GRHL2: variants seen among roughly 807,000 people sequenced by gnomAD.
GRHL2 encodes the protein grainyhead-like protein 2 homolog.
Under a neutral mutation model 83.8 loss-of-function variants are expected in GRHL2, and 21 were observed. The ratio of observed to expected loss-of-function variants is 0.25; its 90% CI spans 0.18 to 0.36. The LOEUF (loss-of-function observed/expected upper bound fraction) is 0.36. GRHL2 is among the 10% of genes least tolerant of loss of function. The probability of loss-of-function intolerance (pLI) is 1.00; values close to 1 mark genes in which losing one functional copy is unlikely to be tolerated. For missense variants in GRHL2, 623 were observed against 781.8 expected (o/e 0.80, Z 2.42); for synonymous variants, 280 against 278.9 (o/e 1.00, Z -0.04).
chr8:101,605,325 G>A (rs575679536), intron 8 of GRHL2, among the ~76,000 whole-genome samples: 2 of 152,258 alleles, frequency 1.3e-5, no homozygotes, highest in South Asian at 2.1e-4. Flanking sequence ...GCAAGATTGG[G>A]CAAATGGAAA....
Position 101,615,995 on chromosome 8 carries a change from C to T in GRHL2, c.1099-3544C>T, listed in dbSNP as rs117558326. ...CACCATGGAAAATCAGTAGGAGAAT[C>T]GGACATAGCATTTTTTCTTTCTTTC... is the stretch of plus-strand genomic sequence containing the variant. On this transcript the variant is annotated intron_variant, in intron 8 of 15. Coordinates refer to ENST00000646743, the MANE Select transcript of GRHL2 (RefSeq NM_024915.4). Among the ~76,000 whole-genome samples, 352 of 152,130 alleles carry T rather than the reference C, an allele frequency of 2.3e-3. 6 individuals are homozygous for T. The East Asian group carries it at 0.057, about 25-fold the overall frequency.
intron 4 of GRHL2, among the ~76,000 whole-genome samples, chr8:101,565,828 T>A (rs2130201238): frequency 6.6e-6 from 1 of 152,342 alleles, no homozygotes; most frequent in Admixed American, 6.5e-5. Flanking sequence ...CTCTACTGTG[T>A]ATTTCATAAC....
intron 1 of GRHL2, among the ~76,000 whole-genome samples, chr8:101,506,082 G>C (rs1810335862): frequency 6.6e-6 from 1 of 152,192 alleles, no homozygotes; most frequent in Non-Finnish European, 1.5e-5. Flanking sequence ...ATGATACAGA[G>C]ATTTTTATTG....
intron 8 of GRHL2, among the ~76,000 whole-genome samples, chr8:101,603,342 C>T (rs1472697567): frequency 6.8e-6 from 1 of 147,242 alleles, no homozygotes; most frequent in African/African-American, 2.7e-5. Context: ...ATTTAAAAAA[C>T]AAAAAACAAA....
At chr8:101,675,556 AAG>A in the GRHL2 span, among the ~76,000 whole-genome samples, 3 of 151,986 alleles carry the variant, frequency 2.0e-5, no homozygotes, top group Non-Finnish European at 4.4e-5. Context: ...AAGGAAATAA[AAG>A]AGGATACAAA....
intron 1 of GRHL2, among the ~76,000 whole-genome samples, chr8:101,522,781 A>G (rs192729322): frequency 6.6e-6 from 1 of 151,212 alleles, no homozygotes; most frequent in Non-Finnish European, 1.5e-5. Context: ...ATATATAAAC[A>G]TCTATATCTG....
intron 2 of GRHL2, among the ~76,000 whole-genome samples, chr8:101,545,886 T>C (rs1209553039): frequency 1.9e-4 from 24 of 127,874 alleles, no homozygotes; most frequent in African/African-American, 7.3e-4. Context: ...TTTTTTTTTT[T>C]TTTTTTTTTT....
At chr8:101,657,306 T>G (rs941472010) in intron 14 of GRHL2, among the ~76,000 whole-genome samples, 7 of 152,208 alleles carry the variant, frequency 4.6e-5, no homozygotes, top group African/African-American at 1.4e-4. Flanking sequence ...GAATTGGAAT[T>G]GGTCTGTACC....
chr8:101,593,928 G>A (rs1409246163), intron 7 of GRHL2, among the ~76,000 whole-genome samples: 2 of 151,914 alleles, frequency 1.3e-5, no homozygotes, highest in Non-Finnish European at 2.9e-5. Flanking sequence ...AATTAGCCAG[G>A]CATGGTGGCA....
At chr8:101,641,120 T>A (rs1813391933) in intron 12 of GRHL2, among the ~76,000 whole-genome samples, 1 of 152,142 alleles carries the variant, frequency 6.6e-6, no homozygotes, top group Admixed American at 6.5e-5. Flanking sequence ...GTTGTGTGTT[T>A]TTTGTTTTTG....
chr8:101,625,633 A>G (rs1453511235), intron 9 of GRHL2, among the ~76,000 whole-genome samples: 1 of 152,064 alleles, frequency 6.6e-6, no homozygotes, highest in Non-Finnish European at 1.5e-5. Context: ...AATGGTTGGG[A>G]GAACCACTTA....
intron 7 of GRHL2, among the ~76,000 whole-genome samples, chr8:101,580,763 G>T (rs1435516673): frequency 2.0e-5 from 3 of 152,066 alleles, no homozygotes; most frequent in Non-Finnish European, 4.4e-5. Flanking sequence ...GAGTGCGGTG[G>T]CATGATCTCG....
chr8:101,522,129 A>C (rs1027365404), intron 1 of GRHL2, among the ~76,000 whole-genome samples: 7 of 152,148 alleles, frequency 4.6e-5, no homozygotes, highest in African/African-American at 1.7e-4. Flanking sequence ...TTATACTTTA[A>C]GTTCTAGGGT....
At chr8:101,580,480 G>T (rs1020964977) in intron 7 of GRHL2, among the ~76,000 whole-genome samples, 1 of 152,010 alleles carries the variant, frequency 6.6e-6, no homozygotes, top group Non-Finnish European at 1.5e-5. Context: ...TCCCAGCCAG[G>T]GTGACCTCAA....
At chr8:101,563,660 A>C (rs1811653913) in intron 4 of GRHL2, among the ~76,000 whole-genome samples, 1 of 152,130 alleles carries the variant, frequency 6.6e-6, no homozygotes. Flanking sequence ...TCTTAAAATT[A>C]TCTTTCTTAG....
At chr8:101,559,351 T>TGCAAAAAAAAAAAAAAAAAAA (rs1285229771) in intron 4 of GRHL2, among the ~76,000 whole-genome samples, 12 of 19,222 alleles carry the variant, frequency 6.2e-4, no homozygotes, top group East Asian at 1.6e-3. Context: ...CTACTAAAAA[T>TGCAAAAAAAAAAAAAAAAAAA]ACAAAAAAAA....
At chr8:101,505,354 G>C (rs1810316559) in intron 1 of GRHL2, among the ~76,000 whole-genome samples, 1 of 152,110 alleles carries the variant, frequency 6.6e-6, no homozygotes. Context: ...GAGGCGGGTG[G>C]ATCACCTTAG....
chr8:101,644,512 T>G (rs1013731262), intron 13 of GRHL2, among the ~76,000 whole-genome samples: 3 of 152,268 alleles, frequency 2.0e-5, no homozygotes, highest in Non-Finnish European at 4.4e-5. Context: ...AACGAAACTC[T>G]TGCTGCGTGT....
Position 101,669,591 on chromosome 8 carries a change from T to TA in GRHL2, c.*2899dup, listed in dbSNP as rs11342848. 2,762 of 149,744 alleles carry TA rather than the reference T, an allele frequency of 0.018. 70 individuals are homozygous for TA. Among genetic ancestry groups the TA allele is most frequent in the South Asian group, 0.087 (413 of 4,732 alleles). 9.3% of individuals were successfully genotyped at this position (149,744 alleles called of 1,614,324 possible). On this transcript the variant is annotated 3_prime_UTR_variant, in exon 16 of 16. Transcript: ENST00000646743. ...ATATGTACAATTTGCTCTCATGTTT[T>TA]AAAAAAAAAAAGGTAAATGTAACTT...
Sources: gnomAD v4.1 joint callset for allele counts (sites outside exome capture counted in the v4.1 genomes callset) on GRCh38, gnomAD v4.1.1 for gene constraint, MANE v1.5 for transcripts, NCBI Gene and HGNC (gene_info 2026-07-23, HGNC 2026-07-21) for gene names.